GLIS3: variants seen among roughly 807,000 people sequenced by gnomAD.
GLIS3 encodes the protein GLIS family zinc finger 3.
In GLIS3, 53 loss-of-function variants were observed where a neutral mutation model predicts 78.6. The observed-to-expected ratio is 0.67, with a 90% confidence interval of 0.54 to 0.85. The LOEUF (loss-of-function observed/expected upper bound fraction) is 0.85, where lower values mean the gene tolerates loss of function less well. Ranked by LOEUF, GLIS3 falls within the 40% of genes least tolerant of loss-of-function variation. The probability of loss-of-function intolerance (pLI) is 0.00; values close to 1 mark genes in which losing one functional copy is unlikely to be tolerated. For synonymous variants in GLIS3, 684 were observed against 509.9 expected (o/e 1.34, Z -4.60); for missense variants, 1,703 against 1,231.1 (o/e 1.38, Z -5.74).
Position 4,176,870 on chromosome 9 carries a change from C to T in GLIS3, c.389-50929G>A, listed in dbSNP as rs537352223. Among the ~76,000 whole-genome samples, 8 of 152,326 alleles carry T rather than the reference C, an allele frequency of 5.3e-5. No individual in the cohort carries two copies. The East Asian group carries it at 1.2e-3, about 22-fold the overall frequency. Reference sequence around the variant, plus strand: ...AACTCCTGACCTCAGGTGATCCGCCCGCCTTGGCCTCCCAAAGTGTTGGGA... The same window carrying T: ...AACTCCTGACCTCAGGTGATCCGCCTGCCTTGGCCTCCCAAAGTGTTGGGA... On this transcript the variant is annotated intron_variant, in intron 2 of 10. Transcript: ENST00000381971.
intron 2 of GLIS3, among the ~76,000 whole-genome samples, chr9:4,225,188 T>A (rs963229918): frequency 1.3e-5 from 2 of 152,066 alleles, no homozygotes; most frequent in African/African-American, 4.8e-5. Context: ...TGAGACCAGT[T>A]TTTTTCTTCT....
At chr9:4,254,562 C>T (rs926668435) in intron 2 of GLIS3, among the ~76,000 whole-genome samples, 1 of 152,044 alleles carries the variant, frequency 6.6e-6, no homozygotes, top group Non-Finnish European at 1.5e-5. Flanking sequence ...AGAAATGACC[C>T]AGCACGGTGG....
intron 4 of GLIS3, among the ~76,000 whole-genome samples, chr9:4,116,609 A>G (rs188575018): frequency 2.0e-5 from 3 of 152,342 alleles, no homozygotes; most frequent in East Asian, 1.9e-4. Flanking sequence ...TTTTACATGA[A>G]TAAGAAACCT....
intron 4 of GLIS3, among the ~76,000 whole-genome samples, chr9:4,115,524 C>G (rs1831572009): frequency 6.6e-6 from 1 of 152,108 alleles, no homozygotes; most frequent in South Asian, 2.1e-4. Flanking sequence ...TTTCCAGGTG[C>G]ATATCTACTT....
At chr9:4,234,019 G>C (rs1822498493) in intron 2 of GLIS3, among the ~76,000 whole-genome samples, 1 of 152,156 alleles carries the variant, frequency 6.6e-6, no homozygotes, top group Non-Finnish European at 1.5e-5. Flanking sequence ...CTCAGCCTTT[G>C]TAACACTGAA....
chr9:4,204,246 A>C (rs994227743), intron 2 of GLIS3, among the ~76,000 whole-genome samples: 1 of 152,216 alleles, frequency 6.6e-6, no homozygotes, highest in African/African-American at 2.4e-5. Context: ...AATATGTAAA[A>C]AGAGGAGTAC....
chr9:3,979,958 G>GT (rs1819119920), intron 4 of GLIS3, among the ~76,000 whole-genome samples: 2 of 152,142 alleles, frequency 1.3e-5, no homozygotes, highest in Non-Finnish European at 2.9e-5. Flanking sequence ...GCAGATAACG[G>GT]TAAGTACCAT....
intron 4 of GLIS3, among the ~76,000 whole-genome samples, chr9:3,959,952 G>C (rs539997012): frequency 6.6e-6 from 1 of 152,328 alleles, no homozygotes; most frequent in African/African-American, 2.4e-5. Flanking sequence ...AGGAGTTCAA[G>C]ACCAGCCTGG....
the GLIS3 span, among the ~76,000 whole-genome samples, chr9:4,421,563 T>C: frequency 6.6e-6 from 1 of 152,232 alleles, no homozygotes; most frequent in Admixed American, 6.5e-5. Context: ...AGGCACTCAA[T>C]GGATTTCACC....
chr9:4,238,730 G>T (rs1163470822), intron 2 of GLIS3, among the ~76,000 whole-genome samples: 1 of 152,112 alleles, frequency 6.6e-6, no homozygotes, highest in African/African-American at 2.4e-5. Context: ...ACTATACTGT[G>T]TGCCCACTTG....
chr9:3,997,252 C>T (rs879584007), intron 4 of GLIS3, among the ~76,000 whole-genome samples: 23 of 151,898 alleles, frequency 1.5e-4, no homozygotes, highest in African/African-American at 2.2e-4. Context: ...AGGCTGAGGC[C>T]GGAGAATCGC....
chr9:4,344,967 A>C (rs1047521446), intron 2 of GLIS3, among the ~76,000 whole-genome samples: 2 of 152,132 alleles, frequency 1.3e-5, no homozygotes, highest in African/African-American at 4.8e-5. Flanking sequence ...CTTATCTCTC[A>C]TGTGAATTAT....
chr9:3,876,634 CAGAG>C (rs149679158), intron 8 of GLIS3, among the ~76,000 whole-genome samples: 52 of 15,712 alleles, frequency 3.3e-3, no homozygotes, highest in African/African-American at 0.012. Flanking sequence ...TCACCAAAGT[CAGAG>C]AGAGAGAGAG....
intron 3 of GLIS3, among the ~76,000 whole-genome samples, chr9:4,123,274 G>C (rs1189265466): frequency 1.3e-5 from 2 of 152,062 alleles, no homozygotes; most frequent in Non-Finnish European, 2.9e-5. Context: ...ATAATACCTA[G>C]TAATGAATGG....
chr9:4,060,846 A>G (rs1826586465), intron 4 of GLIS3, among the ~76,000 whole-genome samples: 1 of 152,208 alleles, frequency 6.6e-6, no homozygotes, highest in African/African-American at 2.4e-5. Context: ...TCTTCTCTGT[A>G]GTTCATCCAG....
intron 2 of GLIS3, among the ~76,000 whole-genome samples, chr9:4,197,201 C>A (rs1233630659): frequency 6.6e-6 from 1 of 152,060 alleles, no homozygotes; most frequent in Non-Finnish European, 1.5e-5. Flanking sequence ...TTGGAGCACT[C>A]CCTCACATGG....
intron 4 of GLIS3, among the ~76,000 whole-genome samples, chr9:3,995,846 C>T (rs1207086341): frequency 6.6e-6 from 1 of 152,014 alleles, no homozygotes; most frequent in Admixed American, 6.6e-5. Flanking sequence ...CCTGCTAAAT[C>T]AGAGTTCCAG....
chr9:3,979,709 T>A (rs1044176354), intron 4 of GLIS3, among the ~76,000 whole-genome samples: 1 of 152,318 alleles, frequency 6.6e-6, no homozygotes, highest in South Asian at 2.1e-4. Flanking sequence ...TCCCCAACAC[T>A]AGACTATCAC....
chr9:4,382,519 G>T, the GLIS3 span, among the ~76,000 whole-genome samples: 1 of 152,144 alleles, frequency 6.6e-6, no homozygotes, highest in African/African-American at 2.4e-5. Flanking sequence ...TGCTTAGTCT[G>T]AATTCCTATG....
Sources: allele counts gnomAD v4.1 joint callset (sites outside exome capture counted in the v4.1 genomes callset), GRCh38; gene constraint gnomAD v4.1.1; transcripts MANE v1.5; gene names NCBI Gene and HGNC (gene_info 2026-07-23, HGNC 2026-07-21).